The following UTS2B variants were observed in gnomAD, a reference collection of about 807,000 sequenced individuals.
The protein encoded by UTS2B is urotensin-2B.
Under a neutral mutation model 19.2 loss-of-function variants are expected in UTS2B, and 21 were observed. The observed-to-expected ratio is 1.09, with a 90% confidence interval of 0.78 to 1.58. The LOEUF is 1.58. Among genes scored for constraint, UTS2B ranks in the 40% most tolerant of loss-of-function variants. UTS2B has a pLI of 0.00. For missense variants in UTS2B, 138 were observed against 130.3 expected (o/e 1.06, Z -0.29); for synonymous variants, 57 against 50.2 (o/e 1.14, Z -0.58).
intron 2 of UTS2B, among the ~76,000 whole-genome samples, chr3:191,318,336 A>G (rs1350644539): frequency 6.6e-6 from 1 of 152,230 alleles, no homozygotes; most frequent in Non-Finnish European, 1.5e-5. Context: ...AATCTCATAA[A>G]TCTGAGGTCA....
At chr3:191,299,808 A>G (rs1014599701) in intron 4 of UTS2B, among the ~76,000 whole-genome samples, 4 of 152,220 alleles carry the variant, frequency 2.6e-5, no homozygotes, top group Non-Finnish European at 5.9e-5. Flanking sequence ...GCCACAAGAA[A>G]TCAACACCAG....
intron 4 of UTS2B, among the ~76,000 whole-genome samples, chr3:191,287,190 C>G (rs1281977046): frequency 6.6e-6 from 1 of 151,994 alleles, no homozygotes; most frequent in East Asian, 1.9e-4. Flanking sequence ...ATTTAAATAA[C>G]TAATACAAAT....
At position 191,290,734 on chromosome 3, in the gene UTS2B, T is replaced by C. The variant is rs532833891; in HGVS notation, c.-124-8421A>G. Among the ~76,000 whole-genome samples, 4 of 152,342 alleles carry C rather than the reference T, an allele frequency of 2.6e-5. No homozygotes were observed. In the South Asian group the frequency reaches 6.2e-4, roughly 24 times the overall value. On this transcript the variant is annotated intron_variant, in intron 4 of 8. Transcript: ENST00000340524. ...GGATATAAATGGCATTTCCATTTTG[T>C]CAATGAAGGCTTCGTCAAGTTATAA... is the stretch of plus-strand genomic sequence containing the variant.
intron 8 of UTS2B, among the ~76,000 whole-genome samples, chr3:191,269,902 T>C (rs938641309): frequency 4.6e-5 from 7 of 152,214 alleles, no homozygotes; most frequent in African/African-American, 1.7e-4. Flanking sequence ...AATTCCCCAA[T>C]GTTTATAGCG....
chr3:191,288,904 C>G (rs1716629466), intron 4 of UTS2B, among the ~76,000 whole-genome samples: 1 of 131,058 alleles, frequency 7.6e-6, no homozygotes, highest in African/African-American at 2.5e-5. Context: ...GATTCCAAAG[C>G]ACCAGCAACA....
chr3:191,325,338 A>C (rs1358557263), intron 2 of UTS2B, among the ~76,000 whole-genome samples: 1 of 151,918 alleles, frequency 6.6e-6, no homozygotes, highest in Non-Finnish European at 1.5e-5. Flanking sequence ...CAATAAGATA[A>C]AAACCATGGC....
chr3:191,282,330 G>C lies in UTS2B; in HGVS notation c.-124-17C>G, dbSNP rs1315128556. ...ACGAATGATCTAGATGAAGGAAAAA[G>C]AAAGAAAGAAAATAAATCTATAAAA... On this transcript the variant is annotated splice_polypyrimidine_tract_variant and intron_variant, in intron 4 of 8. Coordinates refer to ENST00000340524, the MANE Select transcript of UTS2B (RefSeq NM_198152.5). The C allele has an allele frequency of 1.7e-6, 1 of 577,034 alleles. No individual in the cohort carries two copies. Among genetic ancestry groups the C allele is most frequent in the Non-Finnish European group, 3.1e-6 (1 of 323,790 alleles). The allele number at this position is 577,034 out of a possible 1,614,324, so 35.7% of individuals were successfully genotyped here. A position where few individuals can be genotyped will look rare whatever the true frequency, so the allele number is the denominator to read the frequency against.
chr3:191,297,257 C>A (rs535440267), intron 4 of UTS2B, among the ~76,000 whole-genome samples: 1 of 152,150 alleles, frequency 6.6e-6, no homozygotes, highest in Non-Finnish European at 1.5e-5. Flanking sequence ...GAACTAATTT[C>A]TTGAGTCTCA....
intron 3 of UTS2B, among the ~76,000 whole-genome samples, chr3:191,310,750 A>ACAGTTAT: frequency 6.6e-6 from 1 of 152,016 alleles, no homozygotes; most frequent in South Asian, 2.1e-4. Flanking sequence ...TAATTTGGTT[A>ACAGTTAT]AAGTTATAGT....
chr3:191,291,811 T>G (rs1375835623), intron 4 of UTS2B, among the ~76,000 whole-genome samples: 1 of 152,034 alleles, frequency 6.6e-6, no homozygotes, highest in Non-Finnish European at 1.5e-5. Context: ...CTTTATTTAT[T>G]TATTTATTTT....
chr3:191,304,363 T>C (rs905419828), intron 4 of UTS2B, 129 bp downstream of exon 4: 2 of 152,240 alleles, frequency 1.3e-5, no homozygotes, highest in Non-Finnish European at 2.9e-5. Context: ...GGGGCAACTC[T>C]GAAATATGTT....
chr3:191,297,719 GA>G (rs1716892477), intron 4 of UTS2B, among the ~76,000 whole-genome samples: 1 of 152,086 alleles, frequency 6.6e-6, no homozygotes, highest in Non-Finnish European at 1.5e-5. Flanking sequence ...GGAGAAGACA[GA>G]TAATAAAATA....
chr3:191,338,649 A>T, the UTS2B span, among the ~76,000 whole-genome samples: 1 of 152,210 alleles, frequency 6.6e-6, no homozygotes, highest in Admixed American at 6.5e-5. Context: ...TCTTTGGTGG[A>T]TCCACAAATC....
At position 191,281,520 on chromosome 3, in the gene UTS2B, T is replaced by A. The variant is rs144447892; in HGVS notation, c.103+567A>T. On this transcript the variant is annotated intron_variant, in intron 5 of 8. Transcript: ENST00000340524. ...TTTATCATGGTGTATATTTTCTAGC[T>A]GTCATAGATGGAAATGTGATAAACA... Among the ~76,000 whole-genome samples the A allele has an allele frequency of 3.6e-4, 55 of 151,746 alleles. No individual in the cohort carries two copies. The East Asian group carries it at 9.5e-3, about 26-fold the overall frequency.
intron 4 of UTS2B, among the ~76,000 whole-genome samples, chr3:191,282,649 T>C (rs1213247636): frequency 1.3e-5 from 2 of 152,182 alleles, no homozygotes; most frequent in Non-Finnish European, 2.9e-5. Flanking sequence ...CAGGTGAAAA[T>C]GGGAACAATG....
At chr3:191,337,186 G>C in the UTS2B span, among the ~76,000 whole-genome samples, 1 of 151,450 alleles carries the variant, frequency 6.6e-6, no homozygotes. Context: ...AAAAAGATTT[G>C]TTTTGGAGCC....
chr3:191,337,528 AG>A, the UTS2B span, among the ~76,000 whole-genome samples: 11 of 152,082 alleles, frequency 7.2e-5, no homozygotes, highest in East Asian at 2.1e-3. Flanking sequence ...TATTTTTAGT[AG>A]AGACAGGGTT....
intron 4 of UTS2B, among the ~76,000 whole-genome samples, chr3:191,285,621 G>A (rs906535888): frequency 1.5e-4 from 23 of 152,128 alleles, no homozygotes; most frequent in African/African-American, 2.7e-4. Context: ...TTCAAAGTGC[G>A]CCCGGCTCGG....
intron 4 of UTS2B, among the ~76,000 whole-genome samples, chr3:191,297,862 A>G (rs1716896778): frequency 6.6e-6 from 1 of 152,254 alleles, no homozygotes; most frequent in African/African-American, 2.4e-5. Context: ...GTGATAATGC[A>G]CTTAAATAAG....
Sources: gnomAD v4.1 joint callset for allele counts (sites outside exome capture counted in the v4.1 genomes callset) on GRCh38, gnomAD v4.1.1 for gene constraint, MANE v1.5 for transcripts, NCBI Gene and HGNC (gene_info 2026-07-23, HGNC 2026-07-21) for gene names.